The following MIPOL1 variants were observed in gnomAD, a reference collection of about 807,000 sequenced individuals.
The protein encoded by MIPOL1 is mirror-image polydactyly gene 1 protein.
MIPOL1 carries 57 observed loss-of-function variants against 60.9 expected under a neutral mutation model. That is an observed-to-expected ratio of 0.94 (90% CI 0.76 to 1.17). MIPOL1 has a LOEUF of 1.17. Among genes scored for constraint, MIPOL1 ranks in the 50% most tolerant of loss-of-function variants. MIPOL1 has a pLI of 0.00. For synonymous variants in MIPOL1, 179 were observed against 168.8 expected, an observed-to-expected ratio of 1.06 and a Z score of -0.47; for missense variants, 551 against 511.6, an observed-to-expected ratio of 1.08 and a Z score of -0.74.
intron 11 of MIPOL1, among the ~76,000 whole-genome samples, chr14:37,444,950 C>T (rs1247812469): frequency 7.9e-5 from 12 of 152,168 alleles, no homozygotes; most frequent in African/African-American, 2.9e-4. Flanking sequence ...CTATCTATGA[C>T]AAACCCACAG....
chr14:37,325,604 C>T (rs10139938), intron 9 of MIPOL1, among the ~76,000 whole-genome samples: 95,879 of 150,648 alleles, frequency 0.64, 30,572 homozygotes, highest in Non-Finnish European at 0.67. Context: ...TTCTTATTCT[C>T]TCTGTTTTTT....
intron 9 of MIPOL1, among the ~76,000 whole-genome samples, chr14:37,342,499 G>C (rs2090641569): frequency 6.6e-6 from 1 of 151,664 alleles, no homozygotes. Context: ...CTGGGTTCAA[G>C]AGGTTCTCCT....
At chr14:37,497,905 T>C (rs2153611915) in intron 11 of MIPOL1, among the ~76,000 whole-genome samples, 1 of 152,260 alleles carries the variant, frequency 6.6e-6, no homozygotes, top group African/African-American at 2.4e-5. Flanking sequence ...TTGTACTAAA[T>C]CTGAAAATAA....
At chr14:37,451,365 T>C (rs1378731981) in intron 11 of MIPOL1, among the ~76,000 whole-genome samples, 1 of 152,212 alleles carries the variant, frequency 6.6e-6, no homozygotes, top group African/African-American at 2.4e-5. Context: ...CCAGTGTTTC[T>C]TCTACTTGTG....
intron 9 of MIPOL1, among the ~76,000 whole-genome samples, chr14:37,318,236 CT>C (rs1233843211): frequency 6.6e-6 from 1 of 152,108 alleles, no homozygotes; most frequent in East Asian, 1.9e-4. Flanking sequence ...TTAACCTCTC[CT>C]TTTTTAGTGT....
chr14:37,290,193 A>G (rs2153415719), intron 7 of MIPOL1, among the ~76,000 whole-genome samples: 1 of 152,276 alleles, frequency 6.6e-6, no homozygotes, highest in South Asian at 2.1e-4. Context: ...AAGTCTTGAC[A>G]GATTCCCCAT....
At chr14:37,426,858 G>A in intron 11 of MIPOL1, among the ~76,000 whole-genome samples, 1 of 151,910 alleles carries the variant, frequency 6.6e-6, no homozygotes, top group South Asian at 2.1e-4. Flanking sequence ...ATGCATGGAA[G>A]AATGTTTGGT....
At chr14:37,515,632 ATCTT>A (rs974002178) in intron 12 of MIPOL1, among the ~76,000 whole-genome samples, 4 of 152,172 alleles carry the variant, frequency 2.6e-5, no homozygotes, top group Non-Finnish European at 5.9e-5. Flanking sequence ...ATCTTGAAAA[ATCTT>A]TCTTAAGTTA....
At chr14:37,308,011 T>A in intron 7 of MIPOL1, 45 bp from the exon 8 acceptor site, 1 of 1,565,454 alleles carries the variant, frequency 6.4e-7, no homozygotes, top group Non-Finnish European at 8.7e-7. Context: ...TTTGCTGCAC[T>A]AAGGAAATGC....
At chr14:37,279,064 A>AT (rs1455085488) in intron 6 of MIPOL1, among the ~76,000 whole-genome samples, 3 of 151,438 alleles carry the variant, frequency 2.0e-5, no homozygotes, top group African/African-American at 7.3e-5. Context: ...ACACCCAATG[A>AT]TTTGTTTTAC....
chr14:37,359,315 G>C (rs1477932249), intron 9 of MIPOL1, among the ~76,000 whole-genome samples: 1 of 152,138 alleles, frequency 6.6e-6, no homozygotes, highest in African/African-American at 2.4e-5. Context: ...TTGGCAATGT[G>C]GGCTCTTTTT....
At chr14:37,477,572 C>T (rs1206170819) in intron 11 of MIPOL1, among the ~76,000 whole-genome samples, 1 of 152,034 alleles carries the variant, frequency 6.6e-6, no homozygotes. Flanking sequence ...TTGTGCATCC[C>T]TAATCTGAAA....
At chr14:37,522,395 C>T (rs1271253069) in intron 12 of MIPOL1, among the ~76,000 whole-genome samples, 3 of 152,128 alleles carry the variant, frequency 2.0e-5, no homozygotes, top group Admixed American at 6.5e-5. Context: ...AAGTGTACAA[C>T]TTAAAAACCT....
At position 37,547,232 on chromosome 14, in the gene MIPOL1, TTA is replaced by T. The variant is rs2095550695; in HGVS notation, c.*265_*266del. 2.6e-6 allele frequency: 1 copy of T among 391,750 alleles called. No homozygotes were observed. Among genetic ancestry groups the T allele is most frequent in the Middle Eastern group, 6.8e-4 (1 of 1,470 alleles). The allele number at this position is 391,750 out of a possible 1,614,324, so 24.3% of individuals were successfully genotyped here. A position where few individuals can be genotyped will look rare whatever the true frequency, so the allele number is the denominator to read the frequency against. ...GGTTACAGCTTATTTTGTAACTATT[TTA>T]TATCTCAATATCTTTAATATAAATC... On this transcript the variant is annotated 3_prime_UTR_variant, in exon 13 of 13. Coordinates refer to ENST00000684589, the MANE Select transcript of MIPOL1 (RefSeq NM_001388067.1).
chr14:37,393,432 G>A (rs1388060952), intron 10 of MIPOL1, among the ~76,000 whole-genome samples: 1 of 145,442 alleles, frequency 6.9e-6, no homozygotes, highest in Admixed American at 7.0e-5. Flanking sequence ...GTGTGGCGGG[G>A]GTGGGGGTGG....
At chr14:37,253,646 A>G (rs1974456799) in intron 3 of MIPOL1, among the ~76,000 whole-genome samples, 1 of 151,800 alleles carries the variant, frequency 6.6e-6, no homozygotes, top group South Asian at 2.1e-4. Flanking sequence ...GAGTTTCAAA[A>G]GTATTATGAA....
chr14:37,285,548 G>T, intron 7 of MIPOL1, 101 bp downstream of exon 7: 1 of 1,139,916 alleles, frequency 8.8e-7, no homozygotes, highest in Non-Finnish European at 1.2e-6. Flanking sequence ...ATGCTTATGT[G>T]TTACACTAGG....
At chr14:37,348,983 CTTTTTTTTTT>C (rs11347957) in intron 9 of MIPOL1, among the ~76,000 whole-genome samples, 1 of 74,124 alleles carries the variant, frequency 1.3e-5, no homozygotes, top group Non-Finnish European at 2.2e-5. Context: ...CCAGCTAATT[CTTTTTTTTTT>C]TTTTTTTTTT....
chr14:37,203,684 T>C (rs1385651623), intron 1 of MIPOL1, among the ~76,000 whole-genome samples: 1 of 152,162 alleles, frequency 6.6e-6, no homozygotes, highest in African/African-American at 2.4e-5. Context: ...AGCTGTCATG[T>C]TGTGAACTGA....
Sources: allele counts gnomAD v4.1 joint callset (sites outside exome capture counted in the v4.1 genomes callset), GRCh38; gene constraint gnomAD v4.1.1; transcripts MANE v1.5; gene names NCBI Gene and HGNC (gene_info 2026-07-23, HGNC 2026-07-21).